SCRG1: variants seen among roughly 807,000 people sequenced by gnomAD.
SCRG1 encodes the protein stimulator of chondrogenesis 1.
Under a neutral mutation model 7.7 loss-of-function variants are expected in SCRG1, and 3 were observed. That is an observed-to-expected ratio of 0.39 (90% CI 0.18 to 1.01). SCRG1 has a LOEUF of 1.01. SCRG1 is among the 50% of genes least tolerant of loss of function. The pLI is 0.36. For synonymous variants in SCRG1, 46 were observed against 41.2 expected (o/e 1.12, Z -0.44); for missense variants, 110 against 117.2 (o/e 0.94, Z 0.28).
At chr4:173,508,097 C>G in the SCRG1 span, among the ~76,000 whole-genome samples, 1 of 151,798 alleles carries the variant, frequency 6.6e-6, no homozygotes, top group African/African-American at 2.4e-5. The surrounding 1 kb of genome is among the most constrained non-coding windows in gnomAD (Gnocchi z 4.4). Flanking sequence ...GGGAAAAGCC[C>G]GAGAAAAGCC....
the SCRG1 span, among the ~76,000 whole-genome samples, chr4:173,425,730 C>T: frequency 1.3e-5 from 2 of 152,224 alleles, no homozygotes; most frequent in African/African-American, 2.4e-5. Flanking sequence ...TTGCCAGTGC[C>T]AATTCACTCA....
the SCRG1 span, among the ~76,000 whole-genome samples, chr4:173,480,366 TTTTG>T: frequency 6.6e-6 from 1 of 151,998 alleles, no homozygotes; most frequent in African/African-American, 2.4e-5. Context: ...TGTTTGTTTG[TTTTG>T]TTTTTTTTTA....
the SCRG1 span, among the ~76,000 whole-genome samples, chr4:173,461,712 T>A: frequency 0.03 from 4,637 of 152,048 alleles, 275 homozygotes; most frequent in African/African-American, 0.11. Context: ...CACCAAATGA[T>A]CTAAATAAGG....
chr4:173,419,244 T>C, the SCRG1 span: 5 of 517,782 alleles, frequency 9.7e-6, no homozygotes, highest in Admixed American at 1.1e-4. Flanking sequence ...AATTGTTTGG[T>C]TTAGCTCTCG....
chr4:173,516,664 T>C, the SCRG1 span, among the ~76,000 whole-genome samples: 1 of 152,212 alleles, frequency 6.6e-6, no homozygotes, highest in South Asian at 2.1e-4. Flanking sequence ...CCCCGTCTAC[T>C]GCGTAAGAGA....
the SCRG1 span, among the ~76,000 whole-genome samples, chr4:173,490,441 G>A: frequency 1.3e-5 from 2 of 152,110 alleles, no homozygotes; most frequent in African/African-American, 4.8e-5. Flanking sequence ...AGAGGCCCAG[G>A]AACCAGAAGG....
chr4:173,504,164 G>GT, the SCRG1 span, among the ~76,000 whole-genome samples: 19,934 of 151,758 alleles, frequency 0.13, 1,538 homozygotes, highest in African/African-American at 0.21. The surrounding 1 kb of genome is among the most constrained non-coding windows in gnomAD (Gnocchi z 4.7). Context: ...AACTACATTG[G>GT]TTTTTTTTCA....
the SCRG1 span, among the ~76,000 whole-genome samples, chr4:173,440,067 G>A: frequency 4.6e-5 from 7 of 152,148 alleles, no homozygotes; most frequent in African/African-American, 1.7e-4. Context: ...GTTTTATGGT[G>A]TATTTAAGCA....
the SCRG1 span, among the ~76,000 whole-genome samples, chr4:173,483,219 TA>T: frequency 5.8e-4 from 9 of 15,386 alleles, no homozygotes; most frequent in East Asian, 8.9e-3. Context: ...TATCATATAA[TA>T]TATATATTAT....
chr4:173,514,023 A>C, the SCRG1 span, among the ~76,000 whole-genome samples: 257 of 152,328 alleles, frequency 1.7e-3, 5 homozygotes, highest in Admixed American at 0.015. Context: ...TCCACATAAT[A>C]CCACATATTG....
the SCRG1 span, chr4:173,420,201 G>T: frequency 2.7e-6 from 1 of 366,838 alleles, no homozygotes; most frequent in Admixed American, 3.5e-5. Flanking sequence ...CCTAGTGGGG[G>T]AAAAGGGCCC....
At chr4:173,473,386 T>C in the SCRG1 span, among the ~76,000 whole-genome samples, 4 of 152,314 alleles carry the variant, frequency 2.6e-5, 1 homozygote, top group South Asian at 2.1e-4. Flanking sequence ...TAGCTCTCTA[T>C]CATTTGCAAA....
the SCRG1 span, among the ~76,000 whole-genome samples, chr4:173,481,129 G>A: frequency 1.1e-4 from 17 of 152,236 alleles, no homozygotes; most frequent in African/African-American, 3.9e-4. Flanking sequence ...CAGCCCTCAA[G>A]TGTCAACAAC....
the SCRG1 span, among the ~76,000 whole-genome samples, chr4:173,449,103 C>T: frequency 3.3e-5 from 5 of 152,172 alleles, no homozygotes; most frequent in Non-Finnish European, 5.9e-5. Flanking sequence ...TTTCAGTGGT[C>T]GTTTAGGCAA....
At chr4:173,485,024 ATATATTATATATTATATAT>A in the SCRG1 span, among the ~76,000 whole-genome samples, 1 of 20,582 alleles carries the variant, frequency 4.9e-5, no homozygotes, top group African/African-American at 2.3e-4. Context: ...ATAATATATA[ATATATTATATATTATATAT>A]TATATAATAT....
the SCRG1 span, among the ~76,000 whole-genome samples, chr4:173,484,358 A>G: frequency 1.2e-4 from 5 of 42,194 alleles, 1 homozygote; most frequent in Middle Eastern, 0.079. Context: ...AATATATAAT[A>G]TATATTATAT....
At chr4:173,458,230 G>A in the SCRG1 span, among the ~76,000 whole-genome samples, 6 of 152,260 alleles carry the variant, frequency 3.9e-5, no homozygotes, top group South Asian at 8.3e-4. Flanking sequence ...GGTCTGAGGG[G>A]AATTTAAGAG....
the SCRG1 span, among the ~76,000 whole-genome samples, chr4:173,497,105 C>CA: frequency 2.0e-3 from 301 of 151,472 alleles, no homozygotes; most frequent in African/African-American, 6.9e-3. Context: ...GACTCTGTCT[C>CA]AAAAAAACAA....
chr4:173,497,114 A>C, the SCRG1 span, among the ~76,000 whole-genome samples: 7 of 152,108 alleles, frequency 4.6e-5, no homozygotes, highest in Non-Finnish European at 1.0e-4. Flanking sequence ...TCAAAAAAAC[A>C]AAAAAACAAC....
Sources: gnomAD v4.1 joint callset for allele counts (sites outside exome capture counted in the v4.1 genomes callset) on GRCh38, gnomAD v4.1.1 for gene constraint, Gnocchi (gnomAD v3.1) non-coding constraint, MANE v1.5 for transcripts, NCBI Gene and HGNC (gene_info 2026-07-23, HGNC 2026-07-21) for gene names.